NECAB1: variants seen among roughly 807,000 people sequenced by gnomAD.
The protein encoded by NECAB1 is N-terminal EF-hand calcium-binding protein 1.
A neutral mutation model predicts 57.5 loss-of-function variants in NECAB1; 29 were observed. The observed-to-expected ratio is 0.50, with a 90% CI of 0.38 to 0.69. The LOEUF is 0.69. NECAB1 is among the 30% of genes least tolerant of loss of function. The pLI, the probability that NECAB1 is intolerant of heterozygous loss-of-function variation, is 0.00. For missense variants in NECAB1, 372 were observed against 413.8 expected (o/e 0.90, Z 0.88); for synonymous variants, 142 against 147.7 (o/e 0.96, Z 0.28).
intron 5 of NECAB1, among the ~76,000 whole-genome samples, chr8:90,914,022 A>C (rs1809892384): frequency 6.6e-6 from 1 of 152,226 alleles, no homozygotes; most frequent in African/African-American, 2.4e-5. Flanking sequence ...GGTGGTGACC[A>C]GCCAGTGGCA....
chr8:90,928,302 A>C lies in NECAB1; in HGVS notation c.693+3A>C. 1 of 1,597,650 alleles carries C rather than the reference A, an allele frequency of 6.3e-7. No homozygotes were observed. Among genetic ancestry groups the C allele is most frequent in the Non-Finnish European group, 8.5e-7 (1 of 1,171,482 alleles). ...TAATTGATAGACTGGAAAAGAAGGT[A>C]GGTGCTTTCTTTTCTTTATTCTCTC... On this transcript the variant is annotated splice_donor_region_variant and intron_variant, in intron 8 of 12. Transcript: ENST00000417640.
intron 2 of NECAB1, among the ~76,000 whole-genome samples, chr8:90,806,937 C>G (rs1462520716): frequency 6.6e-6 from 1 of 152,146 alleles, no homozygotes; most frequent in African/African-American, 2.4e-5. Context: ...TGTATGTTAA[C>G]AGTAGCACCA....
chr8:90,927,289 TCC>T (rs1039912270), intron 7 of NECAB1, among the ~76,000 whole-genome samples: 6 of 147,358 alleles, frequency 4.1e-5, no homozygotes, highest in African/African-American at 7.6e-5. Flanking sequence ...GAAAGGTGCT[TCC>T]TCCAAGAAGG....
chr8:90,896,149 A>G (rs1586098014), intron 5 of NECAB1, among the ~76,000 whole-genome samples: 2 of 151,850 alleles, frequency 1.3e-5, no homozygotes, highest in Admixed American at 6.6e-5. Flanking sequence ...ACTTACTAAA[A>G]CCTCCCTTAG....
At chr8:90,844,400 C>T (rs934945906) in intron 3 of NECAB1, among the ~76,000 whole-genome samples, 2 of 152,154 alleles carry the variant, frequency 1.3e-5, no homozygotes, top group African/African-American at 4.8e-5. Context: ...ATAGTGTTTT[C>T]AAACCAGTCT....
intron 2 of NECAB1, among the ~76,000 whole-genome samples, chr8:90,821,254 T>C (rs1586040769): frequency 6.6e-6 from 1 of 151,884 alleles, no homozygotes; most frequent in South Asian, 2.1e-4. Context: ...ATGCTTTTGC[T>C]CAGTGTTCTT....
chr8:90,937,376 G>T lies in NECAB1; in HGVS notation c.747+3019G>T, dbSNP rs112699461. Among the ~76,000 whole-genome samples the T allele has an allele frequency of 1.2e-3, 186 of 152,206 alleles. 2 individuals are homozygous for T. The highest frequency in any genetic ancestry group is 4.4e-3 in the African/African-American group (182 of 41,540). ...GATTATTATAGGAAAGTACAGATTT[G>T]CACAGTAAGGGGACAGAACTCAATT... is the stretch of plus-strand genomic sequence containing the variant. On this transcript the variant is annotated intron_variant, in intron 9 of 12. Coordinates refer to ENST00000417640, the MANE Select transcript of NECAB1 (RefSeq NM_022351.5).
At chr8:90,796,104 C>T (rs184154655) in intron 1 of NECAB1, among the ~76,000 whole-genome samples, 1 of 152,224 alleles carries the variant, frequency 6.6e-6, no homozygotes, top group African/African-American at 2.4e-5. Flanking sequence ...AATATGTGCA[C>T]TGATTCCTTC....
At chr8:90,900,951 A>T (rs1187535257) in intron 5 of NECAB1, among the ~76,000 whole-genome samples, 2 of 152,220 alleles carry the variant, frequency 1.3e-5, no homozygotes, top group Non-Finnish European at 2.9e-5. Context: ...CAGTCTAAAT[A>T]CTTGAACATT....
chr8:90,940,730 G>C (rs1810647883), intron 9 of NECAB1, 56 bp from the exon 10 acceptor site: 8 of 1,346,492 alleles, frequency 5.9e-6, no homozygotes, highest in Non-Finnish European at 8.3e-6. Context: ...GTAGGAGTCA[G>C]CTTAAATCGG....
At chr8:90,914,535 AC>A in intron 5 of NECAB1, among the ~76,000 whole-genome samples, 1 of 152,200 alleles carries the variant, frequency 6.6e-6, no homozygotes. Flanking sequence ...CCTTAAACCC[AC>A]CCACCACCCC....
chr8:90,797,424 G>C (rs759315050), intron 1 of NECAB1, among the ~76,000 whole-genome samples: 6 of 152,206 alleles, frequency 3.9e-5, no homozygotes, highest in Non-Finnish European at 8.8e-5. Context: ...AGAATGAAAG[G>C]AGGATAATGT....
rs763008252 is a variant in NECAB1, at chr8:90,925,594, G to T, written c.554G>T (p.Arg185Leu). Reference protein sequence around the residue: ...SIQWPGKRSSRRVQRHNSFSP... With the variant: ...SIQWPGKRSSLRVQRHNSFSP... ...CAATGGCCTGGAAAACGATCAAGCC[G>T]CCGAGTCCAGAGACACAACAGCTTC... Residue 185 changes from arginine to leucine, a missense_variant, in exon 7 of 13, where the codon CGC (arginine) becomes CTC (leucine). Transcript: ENST00000417640. 6.2e-7 allele frequency: 1 copy of T among 1,613,362 alleles called. No individual in the cohort carries two copies. Among genetic ancestry groups the T allele is most frequent in the African/African-American group, 1.3e-5 (1 of 74,914 alleles).
chr8:90,931,127 G>A (rs148038300), intron 8 of NECAB1, among the ~76,000 whole-genome samples: 2 of 152,128 alleles, frequency 1.3e-5, no homozygotes, highest in Non-Finnish European at 2.9e-5. Context: ...GTGTATAAGA[G>A]GTTTGCTAAA....
rs1280532380 is a variant in NECAB1, at chr8:90,886,514, T to TGCTC, written c.357+5384_357+5385insGCTC. Among the ~76,000 whole-genome samples, 3 of 151,848 alleles carry TGCTC rather than the reference T, an allele frequency of 2.0e-5. No homozygotes were observed. In the East Asian group the frequency reaches 5.8e-4, roughly 29 times the overall value. ...AATGTAAAAGTGCAGGTCTTCTCTGTTCTCTCTCTCTCTTTTGTTTTTGTT... is the reference window on the plus strand; with the variant it reads ...AATGTAAAAGTGCAGGTCTTCTCTGTGCTCTCTCTCTCTCTCTTTTGTTTTTGTT... On this transcript the variant is annotated intron_variant, in intron 5 of 12. Coordinates refer to ENST00000417640, the MANE Select transcript of NECAB1 (RefSeq NM_022351.5).
chr8:90,849,485 T>TC (rs1295989317), intron 3 of NECAB1, among the ~76,000 whole-genome samples: 2 of 148,212 alleles, frequency 1.3e-5, no homozygotes, highest in Admixed American at 6.7e-5. Flanking sequence ...GAAAAATGCT[T>TC]TTTTTTTTTT....
intron 5 of NECAB1, among the ~76,000 whole-genome samples, chr8:90,916,264 A>T (rs570201994): frequency 3.3e-5 from 5 of 152,340 alleles, no homozygotes; most frequent in African/African-American, 1.2e-4. Flanking sequence ...CTTCTATTAG[A>T]AAAACTTCCA....
intron 9 of NECAB1, among the ~76,000 whole-genome samples, chr8:90,935,438 CTG>C (rs1326043796): frequency 6.6e-6 from 1 of 152,108 alleles, no homozygotes; most frequent in Non-Finnish European, 1.5e-5. Flanking sequence ...GGGATGTAGT[CTG>C]TGTTAATTCC....
chr8:90,867,881 T>C (rs553423249), intron 3 of NECAB1, among the ~76,000 whole-genome samples: 2 of 152,310 alleles, frequency 1.3e-5, no homozygotes, highest in Admixed American at 6.5e-5. Context: ...TTTCTCACCC[T>C]TTTTCTGTCT....
Sources: gnomAD v4.1 joint callset for allele counts (sites outside exome capture counted in the v4.1 genomes callset) on GRCh38, gnomAD v4.1.1 for gene constraint, MANE v1.5 for transcripts, NCBI Gene and HGNC (gene_info 2026-07-23, HGNC 2026-07-21) for gene names.